FAM131B: variants seen among roughly 807,000 people sequenced by gnomAD.
FAM131B encodes family with sequence similarity 131 member B.
A neutral mutation model predicts 42.0 loss-of-function variants in FAM131B; 19 were observed. The ratio of observed to expected loss-of-function variants is 0.45; its 90% CI spans 0.32 to 0.66. The LOEUF is 0.66. Among genes scored for constraint, FAM131B ranks in the 30% least tolerant of loss-of-function variants. The probability of loss-of-function intolerance (pLI) is 0.05; values close to 1 mark genes in which losing one functional copy is unlikely to be tolerated. For missense variants in FAM131B, 370 were observed against 468.4 expected (o/e 0.79, Z 1.94); for synonymous variants, 183 against 177.6 (o/e 1.03, Z -0.24).
Position 143,356,992 on chromosome 7 carries a change from C to T in FAM131B, c.641G>A (p.Trp214Ter). Residue 214 changes from tryptophan (W) to a stop codon, truncating the protein, a stop_gained, in exon 7 of 7, where the codon TGG (tryptophan) becomes TAG (stop). Transcript: ENST00000443739. LOFTEE classifies it high-confidence loss of function. This position sits in a 1 kb window ranked among gnomAD's most constrained non-coding sequence, Gnocchi z 4.4. ...ACCCTGGGACACGTAAGAGTGAGGC[C>T]ATCCATCCATGGGTGCTTGAGCCAG... Reference protein sequence around the residue: ...DALAQAPMDGWPHSYVSQGMY... With the variant: ...DALAQAPMDG 1 of 1,613,750 alleles carries T rather than the reference C, an allele frequency of 6.2e-7. No individual in the cohort carries two copies. The highest frequency in any genetic ancestry group is 1.7e-4 in the Middle Eastern group (1 of 6,060).
At chr7:143,366,571 T>G (rs192940942), upstream of FAM131B, among the ~76,000 whole-genome samples, 11 of 151,774 alleles carry the variant, frequency 7.2e-5, no homozygotes, top group East Asian at 2.1e-3. Context: ...TTTTTTTTTT[T>G]TTTTGAGACA....
chr7:143,367,412 A>G (rs913434986), upstream of FAM131B, among the ~76,000 whole-genome samples: 5 of 152,194 alleles, frequency 3.3e-5, no homozygotes, highest in Admixed American at 3.3e-4. Flanking sequence ...TTTAGTTAGA[A>G]AAGAAAGCTT....
chr7:143,381,983 A>C, the FAM131B span: 1 of 630,262 alleles, frequency 1.6e-6, no homozygotes, highest in Non-Finnish European at 2.7e-6. Context: ...CCCGCCTGGG[A>C]GTGGGAGTCG....
At chr7:143,380,974 C>A in the FAM131B span, 1 of 286,508 alleles carries the variant, frequency 3.5e-6, no homozygotes, top group Non-Finnish European at 5.2e-6. The surrounding 1 kb of genome is among the most constrained non-coding windows in gnomAD (Gnocchi z 5.0). Context: ...GCCGGCTAAG[C>A]CCGGAGGGGG....
At chr7:143,377,587 A>G in the FAM131B span, among the ~76,000 whole-genome samples, 1 of 152,146 alleles carries the variant, frequency 6.6e-6, no homozygotes, top group African/African-American at 2.4e-5. Context: ...GCAGTTTAGG[A>G]GGTGAGAAAT....
At chr7:143,361,503 G>A (rs1041941184) in intron 1 of FAM131B, 1 of 152,026 alleles carries the variant, frequency 6.6e-6, no homozygotes, top group Non-Finnish European at 1.5e-5. Context: ...AATAAACCGG[G>A]TCTCAGGGAA....
chr7:143,364,336 A>T (rs1563099017), upstream of FAM131B: 1 of 151,550 alleles, frequency 6.6e-6, no homozygotes, highest in Non-Finnish European at 1.5e-5. Flanking sequence ...AGCAATGCCC[A>T]CACACCCCTA....
rs779616150 is a variant in FAM131B, at chr7:143,358,803, C to T, written c.466+24G>A. 2.5e-6 allele frequency: 4 copies of T among 1,609,254 alleles called. 1 individual carries two copies. In the South Asian group the frequency reaches 3.3e-5, roughly 13 times the overall value. ...CCCTGGCCATCCTGCAAATGTGTCT[C>T]TTGAGGCTTTAGGGTACCTGTACCT... On this transcript the variant is annotated intron_variant, in intron 5 of 6. Coordinates refer to ENST00000443739, the MANE Select transcript of FAM131B (RefSeq NM_001031690.3). This position sits in a 1 kb window ranked among gnomAD's most constrained non-coding sequence, Gnocchi z 4.7.
In FAM131B at chr7:143,360,046, C is replaced by T. The variant is rs752893250; in HGVS notation, c.132G>A (p.Ser44=). The T allele has an allele frequency of 2.2e-5, 36 of 1,612,542 alleles. No homozygotes were observed. Among genetic ancestry groups the T allele is most frequent in the East Asian group, 1.3e-4 (6 of 44,852 alleles). Residue 44 remains serine, a synonymous_variant, in exon 2 of 7, where the codon TCG becomes TCA. Transcript: ENST00000443739. ...TGGCTGAGTGAGGTCTCACCTCAGT[C>T]GATGGCCGATGGAGGCTGCTCCCGT... ...SLHGSSLHRP[S]TEQTRTDFSW...
At position 143,356,235 on chromosome 7, in the gene FAM131B, C is replaced by T. The variant is rs527558488; in HGVS notation, c.*315G>A. On this transcript the variant is annotated 3_prime_UTR_variant, in exon 7 of 7. Coordinates refer to ENST00000443739, the MANE Select transcript of FAM131B (RefSeq NM_001031690.3). This position sits in a 1 kb window ranked among gnomAD's most constrained non-coding sequence, Gnocchi z 4.4. ...GTCTTGAGCACAGCTGCGCTGCCCC[C>T]GTCCTCAGGGTGCACACACTGGAGG... 27 of 369,158 alleles carry T rather than the reference C, an allele frequency of 7.3e-5. No homozygotes were observed. In the East Asian group the frequency reaches 1.1e-3, roughly 14 times the overall value. 22.9% of individuals were successfully genotyped at this position (369,158 alleles called of 1,614,324 possible). A position where few individuals can be genotyped will look rare whatever the true frequency, so the allele number is the denominator to read the frequency against.
chr7:143,356,904 C>T lies in FAM131B; in HGVS notation c.729G>A (p.Pro243=), dbSNP rs61731352. Residue 243 remains proline (P), a synonymous_variant, in exon 7 of 7, where the codon CCG becomes CCA. Coordinates refer to ENST00000443739, the MANE Select transcript of FAM131B (RefSeq NM_001031690.3). The surrounding 1 kb of genome is among the most constrained non-coding windows in gnomAD (Gnocchi z 4.4). ...EASDQSLIAS[P]ATGSYLGPAF... The stretch of plus-strand genomic sequence containing the variant: ...CAGGCCCAAGATAGGATCCTGTGGC[C>T]GGAGAGGCAATGAGGGACTGATCGC... 2.9e-4 allele frequency: 462 copies of T among 1,614,076 alleles called. 5 individuals carry two copies. The highest frequency in any genetic ancestry group is 2.5e-3 in the South Asian group (224 of 91,084).
chr7:143,381,139 G>A, the FAM131B span: 152 of 955,592 alleles, frequency 1.6e-4, no homozygotes, highest in Non-Finnish European at 1.8e-4. Context: ...GCGGACCTCG[G>A]CGGAGCCTCC....
chr7:143,379,063 A>T, the FAM131B span, among the ~76,000 whole-genome samples: 1 of 152,178 alleles, frequency 6.6e-6, no homozygotes, highest in Non-Finnish European at 1.5e-5. Flanking sequence ...CTGCCTACGC[A>T]CTCTTCTATT....
chr7:143,381,933 C>G, the FAM131B span: 1 of 814,528 alleles, frequency 1.2e-6, no homozygotes, highest in Non-Finnish European at 1.8e-6. Context: ...TCGTGGAGCT[C>G]GTGGCTGGGA....
At chr7:143,357,093 C>A (rs1803701106) in intron 6 of FAM131B, 71 bp from the exon 7 acceptor site, 1 of 1,229,840 alleles carries the variant, frequency 8.1e-7, no homozygotes, top group South Asian at 1.3e-5. Context: ...ACAGACAGCA[C>A]AAGAGACAGC....
Position 143,362,063 on chromosome 7 carries a change from G to C in FAM131B, c.28+513C>G. The C allele has an allele frequency of 1.0e-6, 1 of 985,074 alleles. No individual in the cohort carries two copies. The highest frequency in any genetic ancestry group is 1.2e-6 in the Non-Finnish European group (1 of 829,506). 61.0% of individuals were successfully genotyped at this position (985,074 alleles called of 1,614,324 possible). ...GGCAGGAACGACAGTAAAAGGCAAC[G>C]GAGAGGGAGAGAGAGATGGGGCAAA... is the stretch of plus-strand genomic sequence containing the variant. On this transcript the variant is annotated intron_variant, in intron 1 of 6. Transcript: ENST00000443739. The surrounding 1 kb of genome is among the most constrained non-coding windows in gnomAD (Gnocchi z 7.7).
At position 143,356,678 on chromosome 7, in the gene FAM131B, G is replaced by A. The variant is rs748111641; in HGVS notation, c.955C>T (p.Arg319Trp). ...CGTGGGGAAAGTGACTCCAGGTCCC[G>A]GCATCCCGCATCCTCTTCCTCCTCA... ...APEEEEDAGC[R>W]DLESLSPRED... Residue 319 changes from arginine to tryptophan, a missense_variant, in exon 7 of 7, where the codon CGG (arginine) becomes TGG (tryptophan). By Grantham distance (101) the Arg-to-Trp change is moderately radical. Coordinates refer to ENST00000443739, the MANE Select transcript of FAM131B (RefSeq NM_001031690.3). The surrounding 1 kb of genome is among the most constrained non-coding windows in gnomAD (Gnocchi z 4.4). 7 of 1,614,074 alleles carry A rather than the reference G, an allele frequency of 4.3e-6. No individual in the cohort carries two copies. Among genetic ancestry groups the A allele is most frequent in the East Asian group, 2.2e-5 (1 of 44,858 alleles).
At chr7:143,373,482 G>A in the FAM131B span, among the ~76,000 whole-genome samples, 1 of 152,194 alleles carries the variant, frequency 6.6e-6, no homozygotes, top group Non-Finnish European at 1.5e-5. Context: ...TAGGAAGGAG[G>A]GAGGGAGAAT....
At chr7:143,366,689 C>G (rs527303846), upstream of FAM131B, among the ~76,000 whole-genome samples, 2 of 151,622 alleles carry the variant, frequency 1.3e-5, no homozygotes, top group Non-Finnish European at 1.5e-5. Context: ...TCTAGAGTAG[C>G]TGGGACTACA....
Sources: allele counts gnomAD v4.1 joint callset (sites outside exome capture counted in the v4.1 genomes callset), GRCh38; gene constraint gnomAD v4.1.1; non-coding constraint Gnocchi (gnomAD v3.1); transcripts MANE v1.5; gene names NCBI Gene and HGNC (gene_info 2026-07-23, HGNC 2026-07-21).